TSPEAR: variants seen among roughly 807,000 people sequenced by gnomAD.
TSPEAR encodes thrombospondin type laminin G domain and EAR repeats, also known as thrombospondin-type laminin G domain and EAR repeat-containing protein.
Under a neutral mutation model 71.6 loss-of-function variants are expected in TSPEAR, and 69 were observed. The observed-to-expected ratio is 0.96, with a 90% CI of 0.79 to 1.18. The LOEUF (loss-of-function observed/expected upper bound fraction) is 1.18, where lower values mean the gene tolerates loss of function less well. Ranked by LOEUF, TSPEAR falls within the 50% of genes most tolerant of loss-of-function variation. The probability of loss-of-function intolerance (pLI) is 0.00; values close to 1 mark genes in which losing one functional copy is unlikely to be tolerated. For missense variants in TSPEAR, 971 were observed against 894.9 expected (o/e 1.09, Z -1.09); for synonymous variants, 402 against 387.2 (o/e 1.04, Z -0.45).
intron 9 of TSPEAR, among the ~76,000 whole-genome samples, chr21:44,511,759 T>C (rs1393203173): frequency 6.6e-6 from 1 of 152,254 alleles, no homozygotes; most frequent in Admixed American, 6.5e-5. Context: ...CCTGATGGAC[T>C]GCCGGGGCCA....
At chr21:44,635,413 A>G (rs587631565) in intron 1 of TSPEAR, among the ~76,000 whole-genome samples, 1 of 152,212 alleles carries the variant, frequency 6.6e-6, no homozygotes, top group South Asian at 2.1e-4. Context: ...GTTGAAAAGA[A>G]CCCAAAAGTG....
At chr21:44,705,017 C>A (rs1235479557) in intron 1 of TSPEAR, among the ~76,000 whole-genome samples, 1 of 152,200 alleles carries the variant, frequency 6.6e-6, no homozygotes, top group Non-Finnish European at 1.5e-5. Flanking sequence ...AGCCCCTAAC[C>A]CCCTGTTGCT....
intron 1 of TSPEAR, among the ~76,000 whole-genome samples, chr21:44,583,586 G>C (rs1979145532): frequency 6.6e-6 from 1 of 152,196 alleles, no homozygotes. Context: ...GTGTGTGTGT[G>C]AATGTGTGTG....
chr21:44,594,362 C>T (rs1162672125), intron 1 of TSPEAR, among the ~76,000 whole-genome samples: 3 of 152,184 alleles, frequency 2.0e-5, no homozygotes, highest in Admixed American at 1.3e-4. Flanking sequence ...AAGCCTGTGA[C>T]CCCATAGTAC....
intron 1 of TSPEAR, among the ~76,000 whole-genome samples, chr21:44,673,649 G>C (rs114156192): frequency 6.6e-6 from 1 of 152,108 alleles, no homozygotes; most frequent in Non-Finnish European, 1.5e-5. Context: ...TCTAACAGCT[G>C]CAGAATACAC....
rs1223910326 is a variant in TSPEAR, at chr21:44,578,896, C to T, written c.83-10891G>A. ...GTGCGGACTCTGGGTCCTGAAAGCC[C>T]ATGCGGAACCTGGTGCCCCCAGAGG... On this transcript the variant is annotated intron_variant, in intron 1 of 11. Transcript: ENST00000323084. Among the ~76,000 whole-genome samples the T allele has an allele frequency of 2.0e-5, 3 of 152,182 alleles. No homozygotes were observed. In the East Asian group the frequency reaches 5.8e-4, roughly 29 times the overall value.
chr21:44,676,587 C>T lies in TSPEAR; in HGVS notation c.82+34846G>A, dbSNP rs782742464. On this transcript the variant is annotated intron_variant, in intron 1 of 11. Coordinates refer to ENST00000323084, the MANE Select transcript of TSPEAR (RefSeq NM_144991.3). The stretch of plus-strand genomic sequence containing the variant: ...GATGATGAAACTGTAATTCTTGTTC[C>T]GAGAGTTTCTCAGACAGGTTCTGCT... 19 of 725,494 alleles carry T rather than the reference C, an allele frequency of 2.6e-5. 1 individual carries two copies. The highest frequency in any genetic ancestry group is 1.1e-4 in the South Asian group (7 of 66,060). 44.9% of individuals were successfully genotyped at this position (725,494 alleles called of 1,614,324 possible).
Position 44,612,949 on chromosome 21 carries a change from T to C in TSPEAR, c.83-44944A>G. 1 of 1,579,822 alleles carries C rather than the reference T, an allele frequency of 6.3e-7. No individual in the cohort carries two copies. Among genetic ancestry groups the C allele is most frequent in the Non-Finnish European group, 8.6e-7 (1 of 1,166,392 alleles). The stretch of plus-strand genomic sequence containing the variant: ...CCCCAGGGCCAGCCGGCTCCGGTCC[T>C]GTCCTGGGTTAAGTGGCTGCCCCTA... On this transcript the variant is annotated intron_variant, in intron 1 of 11. Transcript: ENST00000323084. This position sits in a 1 kb window ranked among gnomAD's most constrained non-coding sequence, Gnocchi z 4.1.
chr21:44,681,762 G>A, intron 1 of TSPEAR: 1 of 1,528,060 alleles, frequency 6.5e-7, no homozygotes, highest in Admixed American at 1.9e-5. Context: ...AAGACCAACT[G>A]AGGACTCATC....
intron 1 of TSPEAR, among the ~76,000 whole-genome samples, chr21:44,624,851 C>T (rs1424361392): frequency 6.6e-6 from 1 of 152,306 alleles, no homozygotes; most frequent in Admixed American, 6.5e-5. Context: ...ATTAGACTCA[C>T]TTCTGTGCAC....
chr21:44,540,764 G>A (rs1555917139), intron 2 of TSPEAR, among the ~76,000 whole-genome samples: 2 of 152,186 alleles, frequency 1.3e-5, no homozygotes, highest in African/African-American at 4.8e-5. Context: ...GGGAGAAGGG[G>A]AGCAAGGAAG....
At chr21:44,602,432 C>T (rs991056854) in intron 1 of TSPEAR, among the ~76,000 whole-genome samples, 1 of 152,242 alleles carries the variant, frequency 6.6e-6, no homozygotes, top group Non-Finnish European at 1.5e-5. Context: ...TTGTGTCCAG[C>T]CCCTGGCTCC....
intron 1 of TSPEAR, chr21:44,697,485 G>A (rs782369480): frequency 6.2e-7 from 1 of 1,614,052 alleles, no homozygotes; most frequent in Non-Finnish European, 8.5e-7. Flanking sequence ...CCGGCTTGCT[G>A]CACCTCCTCC....
chr21:44,675,787 G>A, intron 1 of TSPEAR: 1 of 548,530 alleles, frequency 1.8e-6, no homozygotes, highest in Non-Finnish European at 3.3e-6. Flanking sequence ...GACAATTCTG[G>A]GACCCTTGCG....
chr21:44,538,114 G>A (rs587731924), intron 2 of TSPEAR, among the ~76,000 whole-genome samples: 21 of 152,312 alleles, frequency 1.4e-4, no homozygotes, highest in Admixed American at 1.2e-3. Context: ...TGGCTGTGGG[G>A]TGACTGCAGC....
intron 1 of TSPEAR, chr21:44,697,429 C>A (rs1194980822): frequency 2.4e-5 from 38 of 1,613,842 alleles, no homozygotes; most frequent in Non-Finnish European, 3.1e-5. Context: ...AATCAGGCTG[C>A]ACCAGCTCCT....
intron 1 of TSPEAR, among the ~76,000 whole-genome samples, chr21:44,670,162 C>T (rs1284361666): frequency 6.6e-6 from 1 of 152,140 alleles, no homozygotes; most frequent in Non-Finnish European, 1.5e-5. Context: ...ATAAAGGGCA[C>T]ATAATCCCAA....
chr21:44,617,836 CTGTG>C (rs782135602), intron 1 of TSPEAR, among the ~76,000 whole-genome samples: 1 of 152,266 alleles, frequency 6.6e-6, no homozygotes, highest in Non-Finnish European at 1.5e-5. Context: ...AACGACACTT[CTGTG>C]TGTGTTTCCA....
At chr21:44,600,516 G>A (rs1980722220) in intron 1 of TSPEAR, 9 of 1,329,476 alleles carry the variant, frequency 6.8e-6, no homozygotes, top group South Asian at 1.4e-5. Context: ...CAACAGACCA[G>A]GGAGACATAT....
Sources: allele counts gnomAD v4.1 joint callset (sites outside exome capture counted in the v4.1 genomes callset), GRCh38; gene constraint gnomAD v4.1.1; non-coding constraint Gnocchi (gnomAD v3.1); transcripts MANE v1.5; gene names NCBI Gene and HGNC (gene_info 2026-07-23, HGNC 2026-07-21).